The following VPS13B variants were observed in gnomAD, a reference collection of about 807,000 sequenced individuals.
VPS13B encodes vacuolar protein sorting 13 homolog B.
VPS13B carries 285 observed loss-of-function variants against 426.4 expected under a neutral mutation model. The observed-to-expected ratio is 0.67, with a 90% CI of 0.61 to 0.74. The LOEUF (loss-of-function observed/expected upper bound fraction) is 0.74. Among genes scored for constraint, VPS13B ranks in the 30% least tolerant of loss-of-function variants. The pLI, the probability that VPS13B is intolerant of heterozygous loss-of-function variation, is 0.00. For missense variants in VPS13B, 4,537 were observed against 4,782.6 expected, an observed-to-expected ratio of 0.95 and a Z score of 1.51; for synonymous variants, 1,676 against 1,676.4, an observed-to-expected ratio of 1.00 and a Z score of 0.01.
chr8:99,094,580 C>T (rs1373870911), intron 3 of VPS13B, among the ~76,000 whole-genome samples: 1 of 152,114 alleles, frequency 6.6e-6, no homozygotes, highest in Non-Finnish European at 1.5e-5. Flanking sequence ...TATGAAGTTT[C>T]AAACAAATTT....
At chr8:99,540,007 AATAAAT>A (rs1823474551) in intron 30 of VPS13B, among the ~76,000 whole-genome samples, 1 of 104,194 alleles carries the variant, frequency 9.6e-6, no homozygotes, top group African/African-American at 3.7e-5. Flanking sequence ...TAAATATATA[AATAAAT>A]TATATATATA....
intron 19 of VPS13B, among the ~76,000 whole-genome samples, chr8:99,358,629 G>C (rs552784140): frequency 6.6e-6 from 1 of 152,118 alleles, no homozygotes; most frequent in South Asian, 2.1e-4. Context: ...TTTTCTTTTG[G>C]ACTAGAGATT....
At chr8:99,854,615 C>T (rs910409464) in intron 56 of VPS13B, among the ~76,000 whole-genome samples, 2 of 152,020 alleles carry the variant, frequency 1.3e-5, no homozygotes, top group South Asian at 2.1e-4. Context: ...GTTTAGCACA[C>T]ACTTTTTTTT....
Position 99,871,554 on chromosome 8 carries a change from G to C in VPS13B, c.11602G>C (p.Glu3868Gln). ...TGAAGGGTGCTTGCTGCTGACATCA[G>C]AAGTGCTCTTCGTGGTGAGTGTCAG... ...EHEGCLLLTS[E>Q]VLFVVSVSED... Residue 3868 changes from glutamate to glutamine, a missense_variant, in exon 61 of 62, where the codon GAA (glutamate) becomes CAA (glutamine). Transcript: ENST00000357162. 6.2e-7 allele frequency: 1 copy of C among 1,614,232 alleles called. No homozygotes were observed. Among genetic ancestry groups the C allele is most frequent in the Non-Finnish European group, 8.5e-7 (1 of 1,180,052 alleles).
intron 3 of VPS13B, among the ~76,000 whole-genome samples, chr8:99,078,816 C>G (rs1055375998): frequency 2.0e-5 from 3 of 151,780 alleles, no homozygotes; most frequent in South Asian, 4.2e-4. Context: ...GGTCCCCAGT[C>G]CCCTAGGTGG....
intron 2 of VPS13B, among the ~76,000 whole-genome samples, chr8:99,026,640 A>G (rs1324198170): frequency 6.6e-6 from 1 of 152,160 alleles, no homozygotes; most frequent in Non-Finnish European, 1.5e-5. Context: ...GTGAGTGTGT[A>G]TATATTTATA....
intron 19 of VPS13B, among the ~76,000 whole-genome samples, chr8:99,367,025 G>A (rs141409067): frequency 6.6e-6 from 1 of 152,164 alleles, no homozygotes; most frequent in Non-Finnish European, 1.5e-5. Context: ...CTACTTAAGA[G>A]TAGTTTGTAC....
intron 17 of VPS13B, among the ~76,000 whole-genome samples, chr8:99,210,286 T>C (rs958634872): frequency 6.6e-6 from 1 of 152,214 alleles, no homozygotes; most frequent in Non-Finnish European, 1.5e-5. Flanking sequence ...CTGGATATTC[T>C]CAGCACCTCA....
intron 19 of VPS13B, among the ~76,000 whole-genome samples, chr8:99,360,136 TTC>T (rs1488507045): frequency 3.9e-5 from 1 of 25,594 alleles, no homozygotes; most frequent in Admixed American, 4.2e-4. Flanking sequence ...CTTTCTTTCT[TTC>T]TTTCTTTCTT....
rs886041185 is a variant in VPS13B at position 99,835,295 on chromosome 8, T to TA, written c.9718dup (p.Met3240AsnfsTer8). The TA allele has an allele frequency of 6.2e-7, 1 of 1,612,610 alleles. No homozygotes were observed. The highest frequency in any genetic ancestry group is 1.7e-5 in the Admixed American group (1 of 60,026). ...GTAATTATCCACAATAGATGTCCAG[T>TA]AAAAATGCTTATAAAGGAAAACATT... On this transcript the variant is annotated frameshift_variant, in exon 53 of 62. Coordinates refer to ENST00000357162, the MANE Select transcript of VPS13B (RefSeq NM_152564.5). LOFTEE classifies it high-confidence loss of function.
chr8:99,853,317 G>A, intron 55 of VPS13B, 134 bp from the exon 56 acceptor site: 1 of 879,606 alleles, frequency 1.1e-6, no homozygotes, highest in Non-Finnish European at 1.8e-6. Flanking sequence ...TGAAAGTTGA[G>A]TTCTTATTTG....
At chr8:99,029,925 G>T (rs556001291) in intron 2 of VPS13B, among the ~76,000 whole-genome samples, 3 of 152,258 alleles carry the variant, frequency 2.0e-5, no homozygotes, top group South Asian at 4.1e-4. Context: ...AATTTTGACA[G>T]TTTCACTATA....
chr8:99,461,756 C>T (rs1210569725), intron 23 of VPS13B, among the ~76,000 whole-genome samples: 1 of 152,110 alleles, frequency 6.6e-6, no homozygotes, highest in Non-Finnish European at 1.5e-5. Context: ...TTCAGAAAGG[C>T]CTTACTGGAG....
chr8:99,871,832 AGAG>A lies in VPS13B; in HGVS notation c.11745+141_11745+143del, dbSNP rs1381730567. 2.6e-6 allele frequency: 4 copies of A among 1,516,922 alleles called. No homozygotes were observed. The East Asian group carries it at 9.0e-5, about 34-fold the overall frequency. 94.0% of individuals were successfully genotyped at this position (1,516,922 alleles called of 1,614,324 possible). On this transcript the variant is annotated intron_variant, in intron 61 of 61. Coordinates refer to ENST00000357162, the MANE Select transcript of VPS13B (RefSeq NM_152564.5). The stretch of plus-strand genomic sequence containing the variant: ...TGGAGACCAAGGAGAGCTGCTACCC[AGAG>A]GAGGAAGTGTAGAGGCCGGAGGGCC...
intron 19 of VPS13B, among the ~76,000 whole-genome samples, chr8:99,339,362 G>A (rs1040244286): frequency 1.1e-4 from 16 of 152,150 alleles, no homozygotes; most frequent in East Asian, 7.7e-4. Context: ...GCTTAAAATC[G>A]TGGGGGAAGG....
At chr8:99,478,120 CTT>C (rs921401052) in intron 24 of VPS13B, among the ~76,000 whole-genome samples, 3 of 142,478 alleles carry the variant, frequency 2.1e-5, no homozygotes, top group Admixed American at 7.0e-5. Context: ...CCCATAGAAT[CTT>C]TTTTTTTTTT....
intron 30 of VPS13B, among the ~76,000 whole-genome samples, chr8:99,553,662 T>C (rs955125280): frequency 1.3e-5 from 2 of 152,100 alleles, no homozygotes; most frequent in Non-Finnish European, 2.9e-5. Context: ...TTGGAAAGTC[T>C]GAGACTAAAA....
intron 8 of VPS13B, among the ~76,000 whole-genome samples, chr8:99,126,869 G>A (rs1306842274): frequency 4.6e-5 from 7 of 152,202 alleles, no homozygotes; most frequent in Non-Finnish European, 8.8e-5. Context: ...CAAAGCAGGC[G>A]GATCACTTGA....
intron 4 of VPS13B, 23 bp downstream of exon 4, chr8:99,096,455 A>G: frequency 6.2e-7 from 1 of 1,613,524 alleles, no homozygotes; most frequent in Non-Finnish European, 8.5e-7. Flanking sequence ...GGGATCAATA[A>G]AACCAAATTT....
Sources: gnomAD v4.1 joint callset for allele counts (sites outside exome capture counted in the v4.1 genomes callset) on GRCh38, gnomAD v4.1.1 for gene constraint, MANE v1.5 for transcripts, NCBI Gene and HGNC (gene_info 2026-07-23, HGNC 2026-07-21) for gene names.